The following CDH8 variants were observed in gnomAD, a reference collection of about 807,000 sequenced individuals.
The protein encoded by CDH8 is cadherin 8.
CDH8 carries 17 observed loss-of-function variants against 68.1 expected under a neutral mutation model. The observed-to-expected ratio is 0.25, with a 90% CI of 0.17 to 0.37. The LOEUF (loss-of-function observed/expected upper bound fraction) is 0.37, where lower values mean the gene tolerates loss of function less well. Ranked by LOEUF, CDH8 falls within the 10% of genes least tolerant of loss-of-function variation. The probability of loss-of-function intolerance (pLI) is 1.00; values close to 1 mark genes in which losing one functional copy is unlikely to be tolerated. For missense variants in CDH8, 763 were observed against 999.3 expected (o/e 0.76, Z 3.19); for synonymous variants, 372 against 365.1 (o/e 1.02, Z -0.21).
chr16:61,898,290 ACT>A (rs1038356144), intron 3 of CDH8, among the ~76,000 whole-genome samples: 6 of 151,706 alleles, frequency 4.0e-5, no homozygotes, highest in Admixed American at 6.6e-5. Context: ...ACAAAATAAG[ACT>A]CTGTCTCAAA....
At position 61,787,941 on chromosome 16, in the gene CDH8, T is replaced by TTG. The variant is rs34480891; in HGVS notation, c.1414+1404_1414+1405insCA. Among the ~76,000 whole-genome samples, 7 of 78,702 alleles carry TTG rather than the reference T, an allele frequency of 8.9e-5. No individual in the cohort carries two copies. In the Admixed American group the frequency reaches 9.5e-4, roughly 11 times the overall value. The allele number at this position is 78,702 out of a possible 152,430, so 51.6% of individuals were successfully genotyped here. ...GAATATCACACTCTGGGGACTGTGG[T>TTG]GGGGGGGGCGGGGGGAGGGATAGCA... On this transcript the variant is annotated intron_variant, in intron 8 of 11. Coordinates refer to ENST00000577390, the MANE Select transcript of CDH8 (RefSeq NM_001796.5).
At chr16:61,680,686 A>G (rs1963996750) in intron 10 of CDH8, among the ~76,000 whole-genome samples, 1 of 151,786 alleles carries the variant, frequency 6.6e-6, no homozygotes, top group Non-Finnish European at 1.5e-5. Flanking sequence ...TGTAATTTTA[A>G]AACATTAACT....
At chr16:61,881,304 A>G (rs530071322) in intron 3 of CDH8, among the ~76,000 whole-genome samples, 29 of 152,302 alleles carry the variant, frequency 1.9e-4, no homozygotes, top group African/African-American at 6.5e-4. Flanking sequence ...TCATATGTCC[A>G]TGTCACATAA....
intron 2 of CDH8, among the ~76,000 whole-genome samples, chr16:61,901,760 T>G (rs1202664850): frequency 1.3e-5 from 2 of 152,192 alleles, no homozygotes; most frequent in African/African-American, 4.8e-5. Flanking sequence ...AATACAAAAA[T>G]ATATGTGTTA....
chr16:61,665,810 C>CCTCCT (rs1567410697), intron 10 of CDH8, among the ~76,000 whole-genome samples: 1 of 71,368 alleles, frequency 1.4e-5, no homozygotes. Flanking sequence ...CTTCCTTTCC[C>CCTCCT]TCCTTCCTTC....
intron 1 of CDH8, among the ~76,000 whole-genome samples, chr16:62,026,270 A>G (rs1159434756): frequency 6.6e-6 from 1 of 152,230 alleles, no homozygotes; most frequent in Non-Finnish European, 1.5e-5. Context: ...CTTCTCAAAT[A>G]TTAACGTGCA....
chr16:61,910,171 G>T (rs1475313164), intron 2 of CDH8, among the ~76,000 whole-genome samples: 1 of 151,956 alleles, frequency 6.6e-6, no homozygotes, highest in Non-Finnish European at 1.5e-5. Flanking sequence ...GAATTAGATG[G>T]ATTAATTCTG....
intron 8 of CDH8, 122 bp from the exon 9 acceptor site, chr16:61,727,337 G>A: frequency 1.0e-6 from 1 of 973,470 alleles, no homozygotes; most frequent in Non-Finnish European, 1.5e-6. Context: ...TTTTCAACAT[G>A]GTGATTATAG....
At chr16:62,020,479 A>AAC (rs911076902) in intron 2 of CDH8, among the ~76,000 whole-genome samples, 1 of 131,708 alleles carries the variant, frequency 7.6e-6, no homozygotes, top group East Asian at 2.5e-4. Flanking sequence ...AGTCCAGTCT[A>AAC]ACACACACAC....
intron 8 of CDH8, among the ~76,000 whole-genome samples, chr16:61,757,568 C>T (rs954017180): frequency 3.9e-5 from 6 of 152,132 alleles, no homozygotes; most frequent in Non-Finnish European, 8.8e-5. Flanking sequence ...AATATAGGCT[C>T]TGTGATAGAT....
chr16:61,917,606 T>G (rs1422529365), intron 2 of CDH8, among the ~76,000 whole-genome samples: 1 of 152,196 alleles, frequency 6.6e-6, no homozygotes, highest in Admixed American at 6.5e-5. Flanking sequence ...CTGTTGTCCC[T>G]TGCTGCCTAT....
At chr16:61,875,899 T>C (rs1963449140) in intron 3 of CDH8, among the ~76,000 whole-genome samples, 2 of 152,104 alleles carry the variant, frequency 1.3e-5, no homozygotes. Context: ...ACCCCCAAGA[T>C]GGAGTCTCGC....
intron 2 of CDH8, among the ~76,000 whole-genome samples, chr16:61,961,926 A>T (rs1030813598): frequency 6.6e-6 from 1 of 152,202 alleles, no homozygotes; most frequent in South Asian, 2.1e-4. Flanking sequence ...TGACTCCCCC[A>T]AAAAACTTAA....
At chr16:62,019,778 T>C (rs561099228) in intron 2 of CDH8, among the ~76,000 whole-genome samples, 129 of 152,268 alleles carry the variant, frequency 8.5e-4, no homozygotes, top group African/African-American at 2.9e-3. Flanking sequence ...TATCCATACA[T>C]GCAAATGAAC....
intron 3 of CDH8, among the ~76,000 whole-genome samples, chr16:61,900,204 T>C (rs1017615370): frequency 6.6e-6 from 1 of 152,196 alleles, no homozygotes; most frequent in African/African-American, 2.4e-5. Flanking sequence ...TATACATGTC[T>C]GTATTTACCA....
At chr16:62,019,134 T>G (rs539363257) in intron 2 of CDH8, among the ~76,000 whole-genome samples, 41 of 152,344 alleles carry the variant, frequency 2.7e-4, no homozygotes, top group Admixed American at 7.8e-4. Flanking sequence ...TATGCATGTA[T>G]TCCCAGAATT....
intron 9 of CDH8, among the ~76,000 whole-genome samples, chr16:61,716,544 T>C (rs1964733813): frequency 6.6e-6 from 1 of 151,726 alleles, no homozygotes; most frequent in Non-Finnish European, 1.5e-5. Flanking sequence ...AATTCTGGTG[T>C]ACACACAAGT....
At chr16:61,799,892 T>A (rs1277808387) in intron 7 of CDH8, among the ~76,000 whole-genome samples, 3 of 152,076 alleles carry the variant, frequency 2.0e-5, no homozygotes, top group Non-Finnish European at 4.4e-5. Context: ...CAAGATATGG[T>A]CTATTAACTC....
At chr16:61,886,692 C>T (rs1299556131) in intron 3 of CDH8, among the ~76,000 whole-genome samples, 2 of 152,194 alleles carry the variant, frequency 1.3e-5, no homozygotes, top group Non-Finnish European at 2.9e-5. Context: ...CTCTGCGGGT[C>T]CTGGCTTTAC....
Sources: allele counts gnomAD v4.1 joint callset (sites outside exome capture counted in the v4.1 genomes callset), GRCh38; gene constraint gnomAD v4.1.1; transcripts MANE v1.5; gene names NCBI Gene and HGNC (gene_info 2026-07-23, HGNC 2026-07-21).